Variants in CNTN4 observed in about 807,000 individuals in gnomAD.
CNTN4 encodes contactin 4.
CNTN4 carries 77 observed loss-of-function variants against 122.5 expected under a neutral mutation model. That is an observed-to-expected ratio of 0.63 (90% confidence interval 0.52 to 0.76). CNTN4 has a LOEUF of 0.76. CNTN4 is among the 30% of genes least tolerant of loss of function. The pLI is 0.00. For missense variants in CNTN4, 1,256 were observed against 1,259.1 expected, an observed-to-expected ratio of 1.00 and a Z score of 0.04; for synonymous variants, 512 against 447.0, an observed-to-expected ratio of 1.15 and a Z score of -1.83.
intron 2 of CNTN4, among the ~76,000 whole-genome samples, chr3:2,128,585 T>C (rs555832129): frequency 3.0e-4 from 46 of 152,262 alleles, no homozygotes; most frequent in African/African-American, 1.1e-3. Context: ...AGACAGATTT[T>C]GTCAAACAAG....
intron 2 of CNTN4, among the ~76,000 whole-genome samples, chr3:2,294,931 A>C (rs1469285681): frequency 1.3e-5 from 2 of 151,722 alleles, no homozygotes; most frequent in Admixed American, 6.6e-5. Flanking sequence ...TGCGGTGTTC[A>C]GTTTTTTGTC....
chr3:2,487,622 C>CT (rs926827541), intron 3 of CNTN4, among the ~76,000 whole-genome samples: 11 of 152,214 alleles, frequency 7.2e-5, no homozygotes, highest in Non-Finnish European at 1.3e-4. Flanking sequence ...GTGCATGACT[C>CT]TTTTTTTGTT....
intron 16 of CNTN4, among the ~76,000 whole-genome samples, chr3:3,031,483 C>T (rs1163555479): frequency 6.6e-6 from 1 of 152,010 alleles, no homozygotes; most frequent in Admixed American, 6.6e-5. Flanking sequence ...TTCCTGACTG[C>T]CTGGGATGTA....
At chr3:2,230,271 C>T (rs1317141511) in intron 2 of CNTN4, among the ~76,000 whole-genome samples, 1 of 152,134 alleles carries the variant, frequency 6.6e-6, no homozygotes, top group Non-Finnish European at 1.5e-5. Context: ...AATATTAATA[C>T]CACCTCAAGT....
chr3:2,423,991 T>C (rs894426018), intron 3 of CNTN4, among the ~76,000 whole-genome samples: 1 of 133,020 alleles, frequency 7.5e-6, no homozygotes, highest in Non-Finnish European at 1.6e-5. Flanking sequence ...AAATGACGAG[T>C]TAATGGGTGT....
rs191932215 is a variant in CNTN4 at position 2,266,913 on chromosome 3, A to G, written c.-144-72265A>G. Among the ~76,000 whole-genome samples the G allele has an allele frequency of 4.2e-3, 635 of 152,186 alleles. 3 individuals are homozygous for G. The highest frequency in any genetic ancestry group is 5.0e-3 in the Non-Finnish European group (341 of 67,986). ...ACTAAAACCAGTGACAAAATTGCAA[A>G]AGTTATTTTTATTCCTCTTCAAATA... On this transcript the variant is annotated intron_variant, in intron 2 of 24. Transcript: ENST00000418658.
intron 24 of CNTN4, among the ~76,000 whole-genome samples, chr3:3,054,948 G>T (rs1701650512): frequency 6.6e-6 from 1 of 152,184 alleles, no homozygotes; most frequent in Non-Finnish European, 1.5e-5. Context: ...AGCAGTGAAG[G>T]CTGGAGGTAT....
intron 3 of CNTN4, among the ~76,000 whole-genome samples, chr3:2,550,305 T>C (rs1246999103): frequency 6.6e-6 from 1 of 152,060 alleles, no homozygotes; most frequent in Non-Finnish European, 1.5e-5. Context: ...GAACAGACAC[T>C]TCTCAAAAGG....
chr3:3,049,300 C>G (rs898705656), intron 23 of CNTN4, among the ~76,000 whole-genome samples: 18 of 152,178 alleles, frequency 1.2e-4, no homozygotes, highest in Non-Finnish European at 1.6e-4. Flanking sequence ...CCAGGCTGGT[C>G]TTAAACTCCT....
intron 3 of CNTN4, among the ~76,000 whole-genome samples, chr3:2,518,839 C>G (rs2077115671): frequency 1.3e-5 from 2 of 152,022 alleles, no homozygotes; most frequent in South Asian, 4.1e-4. Flanking sequence ...CTACACAAAA[C>G]AGACTAATAG....
intron 3 of CNTN4, among the ~76,000 whole-genome samples, chr3:2,524,557 G>A (rs2077333265): frequency 1.3e-5 from 2 of 152,096 alleles, no homozygotes; most frequent in Admixed American, 6.6e-5. Flanking sequence ...TACAGTGGAT[G>A]TAACTAAAGA....
intron 2 of CNTN4, among the ~76,000 whole-genome samples, chr3:2,259,287 T>C (rs1487285670): frequency 6.6e-6 from 1 of 152,334 alleles, no homozygotes; most frequent in Non-Finnish European, 1.5e-5. Context: ...TCGTCACTAA[T>C]GTTGAAGATA....
rs183347375 is a variant in CNTN4 at position 2,300,191 on chromosome 3, A to G, written c.-144-38987A>G. On this transcript the variant is annotated intron_variant, in intron 2 of 24. Coordinates refer to ENST00000418658, the MANE Select transcript of CNTN4 (RefSeq NM_175607.3). Reference sequence around the variant, plus strand: ...CTGAGACATTTTGAACAAGAATGTTAGACAGAGTGAATTGAATAACTTTTC... The same window carrying G: ...CTGAGACATTTTGAACAAGAATGTTGGACAGAGTGAATTGAATAACTTTTC... 3.9e-5 allele frequency among the ~76,000 whole-genome samples: 6 copies of G among 152,342 alleles called. No homozygotes were observed. The East Asian group carries it at 1.2e-3, about 29-fold the overall frequency.
Position 2,191,703 on chromosome 3 carries a change from T to TACACAC in CNTN4, c.-145+91065_-145+91066insCACACA, listed in dbSNP as rs71634777. Among the ~76,000 whole-genome samples, 1,206 of 141,934 alleles carry TACACAC rather than the reference T, an allele frequency of 8.5e-3. 10 individuals carry two copies. Among genetic ancestry groups the TACACAC allele is most frequent in the Middle Eastern group, 0.025 (7 of 276 alleles). 93.1% of individuals were successfully genotyped at this position (141,934 alleles called of 152,430 possible). A position where few individuals can be genotyped will look rare whatever the true frequency, so the allele number is the denominator to read the frequency against. ...TTTAACAAAATTCTATGTATATATA[T>TACACAC]ATATATACACACACACACACATACA... On this transcript the variant is annotated intron_variant, in intron 2 of 24. Transcript: ENST00000418658.
At chr3:2,528,921 T>C (rs183672099) in intron 3 of CNTN4, among the ~76,000 whole-genome samples, 1 of 152,280 alleles carries the variant, frequency 6.6e-6, no homozygotes, top group East Asian at 1.9e-4. Context: ...GCATATCCTG[T>C]CACCTCAACA....
intron 4 of CNTN4, among the ~76,000 whole-genome samples, chr3:2,716,157 G>A (rs1301820562): frequency 6.6e-6 from 1 of 151,896 alleles, no homozygotes; most frequent in Non-Finnish European, 1.5e-5. Flanking sequence ...TAGAGATAGG[G>A]TCTCACCATG....
At chr3:2,987,171 C>G (rs1694655206) in intron 13 of CNTN4, among the ~76,000 whole-genome samples, 1 of 152,154 alleles carries the variant, frequency 6.6e-6, no homozygotes, top group African/African-American at 2.4e-5. Flanking sequence ...TTCAAATACT[C>G]TGGAATATGC....
intron 2 of CNTN4, among the ~76,000 whole-genome samples, chr3:2,189,831 C>G (rs2149329050): frequency 6.6e-6 from 1 of 152,302 alleles, no homozygotes; most frequent in Non-Finnish European, 1.5e-5. Flanking sequence ...TCAGGTTACT[C>G]TCTCGTCAGT....
chr3:2,296,536 A>G (rs1383072367), intron 2 of CNTN4, among the ~76,000 whole-genome samples: 2 of 152,184 alleles, frequency 1.3e-5, no homozygotes, highest in African/African-American at 4.8e-5. Context: ...AGTAATAACT[A>G]TTTGAGTACT....
Sources: allele counts gnomAD v4.1 joint callset (sites outside exome capture counted in the v4.1 genomes callset), GRCh38; gene constraint gnomAD v4.1.1; transcripts MANE v1.5; gene names NCBI Gene and HGNC (gene_info 2026-07-23, HGNC 2026-07-21).